Variants in OPCML observed in about 807,000 individuals in gnomAD.
OPCML encodes opioid-binding protein/cell adhesion molecule.
OPCML carries 13 observed loss-of-function variants against 37.8 expected under a neutral mutation model. The observed-to-expected ratio is 0.34, with a 90% CI of 0.22 to 0.55. OPCML has a LOEUF of 0.55. Among genes scored for constraint, OPCML ranks in the 20% least tolerant of loss-of-function variants. The probability of loss-of-function intolerance (pLI) is 0.91; values close to 1 mark genes in which losing one functional copy is unlikely to be tolerated. For synonymous variants in OPCML, 176 were observed against 168.8 expected (o/e 1.04, Z -0.33); for missense variants, 341 against 435.6 (o/e 0.78, Z 1.93).
chr11:133,403,453 G>A (rs1945454345), intron 1 of OPCML, among the ~76,000 whole-genome samples: 1 of 152,026 alleles, frequency 6.6e-6, no homozygotes, highest in Admixed American at 6.6e-5. Context: ...ACCTTGATTT[G>A]TTTGCTTAGT....
At chr11:132,980,672 T>C (rs1946561719) in intron 1 of OPCML, among the ~76,000 whole-genome samples, 1 of 152,062 alleles carries the variant, frequency 6.6e-6, no homozygotes. Context: ...CCATCTCCAT[T>C]CTCCCTCGGT....
intron 3 of OPCML, among the ~76,000 whole-genome samples, chr11:132,537,579 C>T (rs756959388): frequency 5.3e-5 from 8 of 152,092 alleles, no homozygotes; most frequent in African/African-American, 9.7e-5. Flanking sequence ...ATAGATAAAC[C>T]GGACTTCATT....
intron 2 of OPCML, among the ~76,000 whole-genome samples, chr11:132,723,080 A>G (rs762431319): frequency 3.3e-5 from 5 of 152,198 alleles, no homozygotes; most frequent in Non-Finnish European, 7.3e-5. Flanking sequence ...CACTTTGCCT[A>G]GACAGAACCC....
intron 1 of OPCML, among the ~76,000 whole-genome samples, chr11:133,196,338 C>T (rs1478124808): frequency 1.3e-5 from 2 of 152,220 alleles, no homozygotes; most frequent in Non-Finnish European, 2.9e-5. Context: ...TTCAGTCCAA[C>T]TCTTTATCTT....
intron 1 of OPCML, among the ~76,000 whole-genome samples, chr11:133,401,617 G>C (rs113094310): frequency 1.1e-4 from 16 of 152,052 alleles, no homozygotes; most frequent in Non-Finnish European, 1.9e-4. Flanking sequence ...GTTGCAAATG[G>C]GATATTGATG....
At chr11:132,697,790 G>T (rs892602508) in intron 2 of OPCML, among the ~76,000 whole-genome samples, 11 of 151,734 alleles carry the variant, frequency 7.2e-5, no homozygotes, top group Admixed American at 5.3e-4. Context: ...TTGAGACAAG[G>T]CCTCTCTCTC....
intron 1 of OPCML, among the ~76,000 whole-genome samples, chr11:133,385,177 G>A (rs1259877853): frequency 6.6e-6 from 1 of 152,152 alleles, no homozygotes; most frequent in Non-Finnish European, 1.5e-5. Context: ...CTGTGGAGGG[G>A]CCGTGTGCTG....
intron 2 of OPCML, among the ~76,000 whole-genome samples, chr11:132,776,382 T>C (rs964587487): frequency 2.0e-5 from 3 of 152,198 alleles, no homozygotes; most frequent in Non-Finnish European, 4.4e-5. Flanking sequence ...TGATATGGTT[T>C]GGATGTTTGT....
At chr11:133,424,267 C>G (rs1945955384) in intron 1 of OPCML, among the ~76,000 whole-genome samples, 1 of 152,138 alleles carries the variant, frequency 6.6e-6, no homozygotes, top group Non-Finnish European at 1.5e-5. Context: ...CAGGAACAAA[C>G]ACAAACAAGC....
intron 1 of OPCML, chr11:133,299,142 T>G (rs1446293283): frequency 6.6e-6 from 1 of 152,246 alleles, no homozygotes; most frequent in East Asian, 1.9e-4. Flanking sequence ...CAGCACTTTC[T>G]GACACTGCTG....
At chr11:133,438,198 T>C (rs1211394495) in intron 1 of OPCML, among the ~76,000 whole-genome samples, 7 of 152,198 alleles carry the variant, frequency 4.6e-5, no homozygotes, top group Non-Finnish European at 1.5e-5. Flanking sequence ...GTAAGAATAC[T>C]AAATTTTTTA....
intron 2 of OPCML, among the ~76,000 whole-genome samples, chr11:132,840,257 C>T (rs1388341055): frequency 6.6e-6 from 1 of 152,074 alleles, no homozygotes; most frequent in African/African-American, 2.4e-5. Context: ...AAGTAGTCAC[C>T]GATATTTAAA....
chr11:132,865,527 C>G (rs1357372479), intron 2 of OPCML, among the ~76,000 whole-genome samples: 14 of 152,186 alleles, frequency 9.2e-5, no homozygotes, highest in Admixed American at 2.6e-4. Context: ...TAAACAGCAT[C>G]ATGTTTTCAT....
chr11:133,214,831 TTCCCA>T (rs1939516632), intron 1 of OPCML, among the ~76,000 whole-genome samples: 1 of 152,196 alleles, frequency 6.6e-6, no homozygotes, highest in Admixed American at 6.5e-5. Flanking sequence ...CTAACTGATT[TTCCCA>T]TCCCTACGAG....
chr11:132,549,950 C>T (rs749037428), intron 3 of OPCML, among the ~76,000 whole-genome samples: 1 of 152,104 alleles, frequency 6.6e-6, no homozygotes, highest in Admixed American at 6.5e-5. Flanking sequence ...CCTGTGTGTC[C>T]GTGTCCTACA....
intron 1 of OPCML, among the ~76,000 whole-genome samples, chr11:133,287,629 T>C (rs1942341180): frequency 6.6e-6 from 1 of 151,678 alleles, no homozygotes; most frequent in Non-Finnish European, 1.5e-5. Flanking sequence ...GAGAATGGGC[T>C]GCAGCGCCTG....
At chr11:132,421,476 C>T (rs780120149) in intron 7 of OPCML, among the ~76,000 whole-genome samples, 3 of 152,090 alleles carry the variant, frequency 2.0e-5, no homozygotes, top group Non-Finnish European at 2.9e-5. Context: ...TGCCTGTCAA[C>T]CTTATGGTGA....
chr11:132,890,295 C>A (rs958225273), intron 2 of OPCML, among the ~76,000 whole-genome samples: 1 of 152,168 alleles, frequency 6.6e-6, no homozygotes, highest in African/African-American at 2.4e-5. Context: ...CCCTCCAAAT[C>A]TCACTGCTCA....
intron 1 of OPCML, among the ~76,000 whole-genome samples, chr11:133,502,794 T>C (rs548887762): frequency 6.6e-6 from 1 of 152,270 alleles, no homozygotes; most frequent in South Asian, 2.1e-4. Context: ...TATGTTTAAA[T>C]GTGTGGCCAG....
Sources: gnomAD v4.1 joint callset for allele counts (sites outside exome capture counted in the v4.1 genomes callset) on GRCh38, gnomAD v4.1.1 for gene constraint, MANE v1.5 for transcripts, NCBI Gene and HGNC (gene_info 2026-07-23, HGNC 2026-07-21) for gene names.